UNC13A: variants seen among roughly 807,000 people sequenced by gnomAD.
UNC13A encodes unc-13 homolog A, also known as protein unc-13 homolog A.
A neutral mutation model predicts 219.7 loss-of-function variants in UNC13A; 61 were observed. The ratio of observed to expected loss-of-function variants is 0.28; its 90% CI spans 0.23 to 0.34. UNC13A has a LOEUF of 0.34. Ranked by LOEUF, UNC13A falls within the 10% of genes least tolerant of loss-of-function variation. UNC13A has a pLI of 1.00. For synonymous variants in UNC13A, 920 were observed against 884.6 expected (o/e 1.04, Z -0.71); for missense variants, 1,476 against 2,270.3 (o/e 0.65, Z 7.11).
At chr19:17,647,227 GAGA>G in intron 17 of UNC13A, 35 bp downstream of exon 17, 3 of 1,529,312 alleles carry the variant, frequency 2.0e-6, no homozygotes, top group East Asian at 2.5e-5. Context: ...TCAGAGGGTG[GAGA>G]AGGAGGGGCC....
rs150411048 is a variant in UNC13A at position 17,610,327 on chromosome 19, G to A, written c.4652-228C>T. Among the ~76,000 whole-genome samples the A allele has an allele frequency of 6.7e-4, 102 of 152,158 alleles. 1 individual carries two copies. The highest frequency in any genetic ancestry group is 2.3e-3 in the African/African-American group (95 of 41,490). On this transcript the variant is annotated intron_variant, in intron 42 of 43. Coordinates refer to ENST00000519716, the MANE Select transcript of UNC13A (RefSeq NM_001080421.3). ...CGAAAAATACAAAAATCAGCTGGGCGTGGTGGCACGCGCCTGTAGTCCCAC... is the reference window on the plus strand; with the variant it reads ...CGAAAAATACAAAAATCAGCTGGGCATGGTGGCACGCGCCTGTAGTCCCAC...
intron 4 of UNC13A, among the ~76,000 whole-genome samples, chr19:17,671,680 G>T (rs879636584): frequency 1.3e-5 from 2 of 152,088 alleles, no homozygotes; most frequent in Non-Finnish European, 2.9e-5. Flanking sequence ...AGGCTGAGGT[G>T]GGAGGATCAC....
At chr19:17,622,036 C>T (rs1568506009) in intron 36 of UNC13A, among the ~76,000 whole-genome samples, 166 bp from the exon 37 acceptor site, 1 of 152,042 alleles carries the variant, frequency 6.6e-6, no homozygotes, top group Non-Finnish European at 1.5e-5. Context: ...TGTGTGTGTG[C>T]ACACACGTGC....
At chr19:17,643,994 C>T (rs1191728749) in intron 19 of UNC13A, among the ~76,000 whole-genome samples, 8 of 152,136 alleles carry the variant, frequency 5.3e-5, no homozygotes, top group Non-Finnish European at 7.3e-5. Context: ...AAGAGGTTTC[C>T]GGGCTCTGCT....
At position 17,656,039 on chromosome 19, in the gene UNC13A, C is replaced by T; in HGVS notation, c.1127G>A (p.Ser376Asn). ...CTTCCCTGGGGCAGCTGGCGGGAGG[C>T]TGATGCGTTTGAAGTCTTTGGGCTC... ...VAEPKDFKRI[S>N]LPPAAPGKED... The change falls in exon 10 of 44, where the codon AGC becomes AAC. Residue 376 changes from serine to asparagine, a missense_variant. Physicochemically the swap from Ser to Asn is conservative, Grantham distance 46. This residue lies in a region of UNC13A where 351 missense variants were observed against 342.6 expected (regional missense o/e 1.02). Coordinates refer to ENST00000519716, the MANE Select transcript of UNC13A (RefSeq NM_001080421.3). 1 of 1,563,524 alleles carries T rather than the reference C, an allele frequency of 6.4e-7. No individual in the cohort carries two copies. The highest frequency in any genetic ancestry group is 1.7e-4 in the Middle Eastern group (1 of 5,996).
chr19:17,686,426 C>T (rs959200661), intron 1 of UNC13A, among the ~76,000 whole-genome samples: 5 of 151,384 alleles, frequency 3.3e-5, no homozygotes, highest in African/African-American at 1.2e-4. Context: ...GCCAAGAACA[C>T]CCACGTCGGA....
chr19:17,606,322 T>C lies in UNC13A; in HGVS notation c.4844A>G (p.Tyr1615Cys), dbSNP rs758167515. 13 of 1,548,496 alleles carry C rather than the reference T, an allele frequency of 8.4e-6. No individual in the cohort carries two copies. In the Admixed American group the frequency reaches 1.6e-4, roughly 19 times the overall value. Residue 1615 changes from tyrosine to cysteine, a missense_variant, in exon 44 of 44, where the codon TAT (tyrosine) becomes TGT (cysteine). Transcript: ENST00000519716. ...TLSADAGPEC[Y>C]ELQVCVKDYC... ...GTCCTTGACGCACACCTGCAGCTCA[T>C]AGCACTCGGGACCCGCGTCGGCGCT...
intron 9 of UNC13A, among the ~76,000 whole-genome samples, chr19:17,656,738 G>A (rs2079462412): frequency 6.6e-6 from 1 of 151,654 alleles, no homozygotes; most frequent in Non-Finnish European, 1.5e-5. Context: ...TGTAATCCCA[G>A]CTACTCGGGA....
At chr19:17,620,751 G>A in intron 37 of UNC13A, 29 bp from the exon 38 acceptor site, 1 of 1,612,082 alleles carries the variant, frequency 6.2e-7, no homozygotes, top group Non-Finnish European at 8.5e-7. Flanking sequence ...GGAGGTCAGA[G>A]TTCTGGTGAC....
At chr19:17,666,545 G>C (rs2079650539) in intron 7 of UNC13A, 105 bp downstream of exon 7, 2 of 854,586 alleles carry the variant, frequency 2.3e-6, no homozygotes, top group Admixed American at 7.6e-5. Context: ...GCACTCTCAG[G>C]ACTTGTATCT....
At chr19:17,680,228 T>C (rs1161963266) in intron 1 of UNC13A, among the ~76,000 whole-genome samples, 1 of 152,104 alleles carries the variant, frequency 6.6e-6, no homozygotes, top group Non-Finnish European at 1.5e-5. Flanking sequence ...TCTCCCTGTC[T>C]TCCCCGGTCA....
chr19:17,675,475 TA>T (rs1277898546), intron 2 of UNC13A, among the ~76,000 whole-genome samples: 1 of 149,706 alleles, frequency 6.7e-6, no homozygotes, highest in Non-Finnish European at 1.5e-5. Context: ...CTACTAAAAA[TA>T]AAAAAATTAG....
chr19:17,634,518 T>A (rs2145018194), intron 26 of UNC13A, among the ~76,000 whole-genome samples: 1 of 152,220 alleles, frequency 6.6e-6, no homozygotes, highest in Non-Finnish European at 1.5e-5. Flanking sequence ...TTTTATATTT[T>A]TAGTAGAGAT....
chr19:17,672,784 C>T (rs4808091), intron 3 of UNC13A, among the ~76,000 whole-genome samples: 22,606 of 152,084 alleles, frequency 0.15, 2,034 homozygotes, highest in African/African-American at 0.27. Flanking sequence ...CTTTCTGAGC[C>T]CTTCCTTGGG....
chr19:17,686,515 T>G (rs1212558221), intron 1 of UNC13A, among the ~76,000 whole-genome samples: 1 of 151,776 alleles, frequency 6.6e-6, no homozygotes, highest in Non-Finnish European at 1.5e-5. Context: ...GACATTCAAG[T>G]TCTCCTCCCA....
In UNC13A at chr19:17,648,190, C is replaced by T. The variant is rs565250972; in HGVS notation, c.1816+241G>A. On this transcript the variant is annotated intron_variant, in intron 16 of 43. Transcript: ENST00000519716. ...TCCCTGAGCCCTGCCCCACCCCTCT[C>T]TGACACCCTCACAGCTTCTTTCCCC... Among the ~76,000 whole-genome samples, 157 of 151,338 alleles carry T rather than the reference C, an allele frequency of 1.0e-3. 1 individual carries two copies. The highest frequency in any genetic ancestry group is 3.7e-3 in the African/African-American group (151 of 41,196).
chr19:17,675,936 AC>A (rs2079889639), intron 2 of UNC13A, 75 bp downstream of exon 2: 1 of 1,524,470 alleles, frequency 6.6e-7, no homozygotes. Flanking sequence ...CTGGGCTGGG[AC>A]CCCCTCCCAG....
At chr19:17,616,486 A>AG in intron 41 of UNC13A, 3 of 341,374 alleles carry the variant, frequency 8.8e-6, no homozygotes, top group Admixed American at 7.6e-5. Context: ...TGGGGGTGGA[A>AG]GGGGGAGAGA....
chr19:17,660,538 T>TG (rs954660906), intron 8 of UNC13A, among the ~76,000 whole-genome samples: 5 of 150,190 alleles, frequency 3.3e-5, no homozygotes, highest in African/African-American at 7.3e-5. Context: ...TTTTTGGGTT[T>TG]TTTTTTTTTT....
Sources: gnomAD v4.1 joint callset for allele counts (sites outside exome capture counted in the v4.1 genomes callset) on GRCh38, gnomAD v4.1.1 for gene constraint, gnomAD v4.1.1 regional missense constraint, MANE v1.5 for transcripts, NCBI Gene and HGNC (gene_info 2026-07-23, HGNC 2026-07-21) for gene names.